Variants in SRGAP2 observed in about 807,000 individuals in gnomAD.
SRGAP2 encodes the protein SLIT-ROBO Rho GTPase activating protein 2.
A neutral mutation model predicts 57.2 loss-of-function variants in SRGAP2; 15 were observed. The observed-to-expected ratio is 0.26, with a 90% CI of 0.18 to 0.40. SRGAP2 has a LOEUF of 0.40. Ranked by LOEUF, SRGAP2 falls within the 10% of genes least tolerant of loss-of-function variation. SRGAP2 has a pLI of 1.00. For synonymous variants in SRGAP2, 249 were observed against 248.0 expected (o/e 1.00, Z -0.04); for missense variants, 520 against 669.6 (o/e 0.78, Z 2.47).
intron 3 of SRGAP2, among the ~76,000 whole-genome samples, chr1:206,313,982 A>G (rs1415671577): frequency 6.6e-6 from 1 of 151,848 alleles, no homozygotes; most frequent in East Asian, 1.9e-4. Context: ...GATGGGATTC[A>G]GGTTTCAAGT....
chr1:206,214,596 C>T (rs1666526593), intron 2 of SRGAP2: 1 of 150,440 alleles, frequency 6.6e-6, no homozygotes, highest in African/African-American at 2.5e-5. Flanking sequence ...AGTTCGAGAC[C>T]AGCCTGACCA....
rs1435886645 is a variant in SRGAP2, at chr1:206,372,126, G to C, written c.424-11888G>C. On this transcript the variant is annotated intron_variant, in intron 4 of 22. Transcript: ENST00000573034. ...TGAGCCACCACACCAGGCCAACCCT[G>C]TGGGGTTTTAAATATGTATAAAATT... Among the ~76,000 whole-genome samples, 27 of 82,124 alleles carry C rather than the reference G, an allele frequency of 3.3e-4. 6 individuals are homozygous for C. 53.9% of individuals were successfully genotyped at this position (82,124 alleles called of 152,430 possible).
At chr1:206,290,641 C>CAAAAAAAAAA (rs1237811129) in intron 2 of SRGAP2, among the ~76,000 whole-genome samples, 9 of 45,196 alleles carry the variant, frequency 2.0e-4, no homozygotes, top group Non-Finnish European at 2.3e-4. Context: ...GACTCCATCT[C>CAAAAAAAAAA]AAAAAAAAAA....
At chr1:206,333,446 C>G in intron 3 of SRGAP2, 1 of 1,490,934 alleles carries the variant, frequency 6.7e-7, no homozygotes, top group East Asian at 2.3e-5. Context: ...CATGTTGCTC[C>G]CCGAGGGTGA....
At chr1:206,417,297 T>C (rs1357047156) in intron 11 of SRGAP2, among the ~76,000 whole-genome samples, 1 of 151,906 alleles carries the variant, frequency 6.6e-6, no homozygotes, top group Non-Finnish European at 1.5e-5. Flanking sequence ...TGAGATGGGG[T>C]TTTGCCATGT....
In SRGAP2 at chr1:206,461,319, A is replaced by G; in HGVS notation, c.3115A>G (p.Thr1039Ala). 1.3e-6 allele frequency: 1 copy of G among 780,944 alleles called. No homozygotes were observed. The highest frequency in any genetic ancestry group is 2.4e-6 in the Non-Finnish European group (1 of 417,996). 48.4% of individuals were successfully genotyped at this position (780,944 alleles called of 1,614,324 possible). The change falls in exon 23 of 23, where the codon ACA becomes GCA. Residue 1039 changes from threonine to alanine, a missense_variant. Thr to Ala is a moderately conservative substitution (Grantham distance 58, BLOSUM62 0). Coordinates refer to ENST00000573034, the MANE Select transcript of SRGAP2 (RefSeq NM_015326.5). Reference sequence around the variant, plus strand: ...GGCTGCCCCGGTCAAACCACCAGCCACACGGCCCAAGCCCACTGTCTTCCC... The same window carrying G: ...GGCTGCCCCGGTCAAACCACCAGCCGCACGGCCCAAGCCCACTGTCTTCCC... ...KMAAPVKPPA[T>A]RPKPTVFPKT...
intron 2 of SRGAP2, among the ~76,000 whole-genome samples, chr1:206,277,988 A>G (rs1288804115): frequency 2.0e-5 from 3 of 151,888 alleles, no homozygotes; most frequent in African/African-American, 7.3e-5. Flanking sequence ...AAAAAAAAAA[A>G]AGAGAATAAA....
chr1:206,236,257 G>A lies in SRGAP2; in HGVS notation c.67+30220G>A, dbSNP rs1390220120. Among the ~76,000 whole-genome samples the A allele has an allele frequency of 8.6e-5, 13 of 151,200 alleles. No homozygotes were observed. The East Asian group carries it at 9.8e-4, about 11-fold the overall frequency. On this transcript the variant is annotated intron_variant, in intron 2 of 22. Transcript: ENST00000573034. Reference sequence around the variant, plus strand: ...GTAAGAAGCTAATGATGTTGGTTCCGTTTCAGTGTGTGGAATCTTGTTATG... The same window carrying A: ...GTAAGAAGCTAATGATGTTGGTTCCATTTCAGTGTGTGGAATCTTGTTATG...
chr1:206,239,994 G>A (rs1286252932), intron 2 of SRGAP2, among the ~76,000 whole-genome samples: 1 of 151,570 alleles, frequency 6.6e-6, no homozygotes, highest in Non-Finnish European at 1.5e-5. Flanking sequence ...GGCCAGGCAC[G>A]GTGGCTCACG....
At chr1:206,309,858 A>AGGGGGGGGG (rs1672507023) in intron 3 of SRGAP2, among the ~76,000 whole-genome samples, 1 of 151,246 alleles carries the variant, frequency 6.6e-6, no homozygotes, top group African/African-American at 2.5e-5. Flanking sequence ...AGGAGAACAA[A>AGGGGGGGGG]GAACTAAATC....
chr1:206,305,949 GTTATT>G (rs1672170757), intron 3 of SRGAP2, among the ~76,000 whole-genome samples: 1 of 151,678 alleles, frequency 6.6e-6, no homozygotes, highest in Non-Finnish European at 1.5e-5. Context: ...ATAAAAAAAT[GTTATT>G]TTAGTATGTG....
At chr1:206,434,297 C>CA (rs1185322613) in intron 14 of SRGAP2, among the ~76,000 whole-genome samples, 1 of 151,926 alleles carries the variant, frequency 6.6e-6, no homozygotes, top group South Asian at 2.1e-4. Flanking sequence ...TGGAAAAAAA[C>CA]AAAAAAACAA....
At chr1:206,354,917 A>G (rs1676323343) in intron 4 of SRGAP2, among the ~76,000 whole-genome samples, 1 of 151,552 alleles carries the variant, frequency 6.6e-6, no homozygotes, top group South Asian at 2.1e-4. Flanking sequence ...TAAATTTTAT[A>G]GTAGATGTAT....
intron 2 of SRGAP2, chr1:206,206,299 C>T (rs529141353): frequency 5.6e-5 from 26 of 467,378 alleles, no homozygotes; most frequent in South Asian, 1.1e-4. Flanking sequence ...CCTTTCCCCC[C>T]CAAGCCGGAC....
At chr1:206,460,548 C>T (rs1553380113) in intron 22 of SRGAP2, among the ~76,000 whole-genome samples, 1 of 152,102 alleles carries the variant, frequency 6.6e-6, no homozygotes, top group Non-Finnish European at 1.5e-5. Flanking sequence ...AAGGACTAAC[C>T]CTCTTCACCT....
intron 2 of SRGAP2, among the ~76,000 whole-genome samples, chr1:206,257,391 G>A (rs1571696355): frequency 2.3e-5 from 2 of 85,644 alleles, no homozygotes; most frequent in Admixed American, 2.4e-4. Context: ...AGGATGGAGT[G>A]CAGTAGCGTG....
intron 13 of SRGAP2, among the ~76,000 whole-genome samples, chr1:206,423,186 C>G (rs1438715900): frequency 2.0e-5 from 3 of 152,212 alleles, no homozygotes; most frequent in Non-Finnish European, 4.4e-5. Flanking sequence ...TCCAGACCTT[C>G]CCTGCTCCCT....
At chr1:206,208,794 T>C (rs1391522047) in intron 2 of SRGAP2, among the ~76,000 whole-genome samples, 1 of 151,862 alleles carries the variant, frequency 6.6e-6, no homozygotes, top group Non-Finnish European at 1.5e-5. Flanking sequence ...AAAAGAAAAT[T>C]GCTGTAACAG....
At chr1:206,426,017 T>G (rs1660769818) in intron 13 of SRGAP2, among the ~76,000 whole-genome samples, 1 of 151,980 alleles carries the variant, frequency 6.6e-6, no homozygotes, top group Non-Finnish European at 1.5e-5. Context: ...CAGCTAATTT[T>G]TGTATTTTTA....
Sources: allele counts gnomAD v4.1 joint callset (sites outside exome capture counted in the v4.1 genomes callset), GRCh38; gene constraint gnomAD v4.1.1; transcripts MANE v1.5; gene names NCBI Gene and HGNC (gene_info 2026-07-23, HGNC 2026-07-21).